Variants in DAPK1 observed in about 807,000 individuals in gnomAD.
DAPK1 encodes the protein death-associated protein kinase 1.
DAPK1 carries 56 observed loss-of-function variants against 144.9 expected under a neutral mutation model. The observed-to-expected ratio is 0.39, with a 90% CI of 0.31 to 0.48. DAPK1 has a LOEUF of 0.48. Among genes scored for constraint, DAPK1 ranks in the 20% least tolerant of loss-of-function variants. DAPK1 has a pLI of 0.95. For missense variants in DAPK1, 1,454 were observed against 1,875.4 expected (o/e 0.78, Z 4.15); for synonymous variants, 690 against 749.0 (o/e 0.92, Z 1.29).
intron 2 of DAPK1, among the ~76,000 whole-genome samples, chr9:87,537,188 A>G (rs1195945057): frequency 1.3e-5 from 2 of 151,942 alleles, no homozygotes; most frequent in African/African-American, 4.8e-5. Flanking sequence ...GGGTTTCACT[A>G]TGTTGGCCAG....
chr9:87,638,362 G>A (rs990367808), intron 4 of DAPK1, among the ~76,000 whole-genome samples: 1 of 126,258 alleles, frequency 7.9e-6, no homozygotes, highest in Non-Finnish European at 1.6e-5. Flanking sequence ...TAGTAAGGGG[G>A]CTGCTCTAGC....
intron 3 of DAPK1, among the ~76,000 whole-genome samples, chr9:87,618,034 A>G (rs1242379022): frequency 6.6e-6 from 1 of 152,094 alleles, no homozygotes; most frequent in Non-Finnish European, 1.5e-5. Context: ...CCATTCTCTT[A>G]CTTTGGCCCT....
intron 2 of DAPK1, among the ~76,000 whole-genome samples, chr9:87,586,585 A>G (rs937929104): frequency 1.3e-5 from 2 of 152,148 alleles, no homozygotes; most frequent in Non-Finnish European, 2.9e-5. Flanking sequence ...GCTTAAATAC[A>G]TTAATGTATA....
At chr9:87,613,544 A>G (rs926552502) in intron 3 of DAPK1, among the ~76,000 whole-genome samples, 8 of 152,230 alleles carry the variant, frequency 5.3e-5, no homozygotes, top group African/African-American at 1.9e-4. Flanking sequence ...GAATACAAAT[A>G]CAACTTTGTT....
At chr9:87,675,895 A>ACACACACACACC (rs1179826339) in intron 19 of DAPK1, among the ~76,000 whole-genome samples, 144 of 132,890 alleles carry the variant, frequency 1.1e-3, no homozygotes, top group African/African-American at 2.1e-3. Flanking sequence ...ACACACACAC[A>ACACACACACACC]CCCTTATGAC....
Position 87,658,075 on chromosome 9 carries a change from A to G in DAPK1, c.1871A>G (p.Asp624Gly). The G allele has an allele frequency of 1.3e-6, 2 of 1,554,732 alleles. No individual in the cohort carries two copies. The highest frequency in any genetic ancestry group is 8.9e-7 in the Non-Finnish European group (1 of 1,126,452). ...LHLAANNGILDVVRYLCLMGA... is the reference protein window; with the variant it reads ...LHLAANNGILGVVRYLCLMGA... ...CTTGCGGCCAACAACGGAATCCTAG[A>G]CGTGGTCCGGTATCTCTGTCTGATG... Residue 624 changes from aspartate to glycine, a missense_variant, in exon 18 of 26, where the codon GAC (aspartate) becomes GGC (glycine). Asp to Gly is a moderately conservative substitution (Grantham distance 94). Coordinates refer to ENST00000408954, the MANE Select transcript of DAPK1 (RefSeq NM_004938.4).
intron 11 of DAPK1, among the ~76,000 whole-genome samples, chr9:87,644,654 A>C (rs966388588): frequency 3.9e-5 from 6 of 152,134 alleles, no homozygotes; most frequent in African/African-American, 1.2e-4. Context: ...AAAAACTGTG[A>C]CTCTAGGTAA....
At chr9:87,581,793 C>T (rs748921866) in intron 2 of DAPK1, among the ~76,000 whole-genome samples, 3 of 152,204 alleles carry the variant, frequency 2.0e-5, no homozygotes, top group Non-Finnish European at 4.4e-5. Flanking sequence ...TGTCTGCCAC[C>T]GGGGAACAAA....
intron 2 of DAPK1, among the ~76,000 whole-genome samples, chr9:87,559,993 C>CT (rs1315615919): frequency 2.1e-5 from 3 of 142,572 alleles, no homozygotes; most frequent in African/African-American, 8.3e-5. Context: ...GAATCTTTTT[C>CT]TTTCCTTTTT....
intron 18 of DAPK1, among the ~76,000 whole-genome samples, chr9:87,659,786 C>T (rs529382583): frequency 2.0e-5 from 3 of 152,300 alleles, no homozygotes; most frequent in Admixed American, 6.5e-5. Context: ...GCACCCGCAG[C>T]GCTCATTCTG....
chr9:87,571,475 C>A lies in DAPK1; in HGVS notation c.63-33479C>A, dbSNP rs3031545. Among the ~76,000 whole-genome samples the A allele has an allele frequency of 9.0e-4, 30 of 33,396 alleles. 6 individuals carry two copies. The highest frequency in any genetic ancestry group is 2.1e-3 in the East Asian group (2 of 936). The allele number at this position is 33,396 out of a possible 152,430, so 21.9% of individuals were successfully genotyped here. On this transcript the variant is annotated intron_variant, in intron 2 of 25. Coordinates refer to ENST00000408954, the MANE Select transcript of DAPK1 (RefSeq NM_004938.4). ...CACACACACACACACACACACACAC[C>A]AACACACACACACACACACCCCAAC...
intron 18 of DAPK1, among the ~76,000 whole-genome samples, chr9:87,658,740 C>T (rs1461373457): frequency 6.6e-6 from 1 of 152,240 alleles, no homozygotes; most frequent in African/African-American, 2.4e-5. Context: ...GAAAATGCAT[C>T]AGCTAATGAG....
At chr9:87,605,695 C>A (rs1828691968) in intron 3 of DAPK1, among the ~76,000 whole-genome samples, 1 of 152,130 alleles carries the variant, frequency 6.6e-6, no homozygotes, top group Admixed American at 6.5e-5. Flanking sequence ...TCAAAAAGGA[C>A]TTGTTTTTAA....
chr9:87,591,259 A>G (rs1245852479), intron 2 of DAPK1, among the ~76,000 whole-genome samples: 4 of 152,226 alleles, frequency 2.6e-5, no homozygotes, highest in African/African-American at 4.8e-5. Flanking sequence ...GGCTTCTGAA[A>G]GCATGTAGGC....
At chr9:87,625,501 C>T (rs1178980645) in intron 3 of DAPK1, among the ~76,000 whole-genome samples, 2 of 152,178 alleles carry the variant, frequency 1.3e-5, no homozygotes, top group African/African-American at 4.8e-5. Flanking sequence ...CTCAGGAGCC[C>T]CAGGTTCCAC....
At chr9:87,558,006 A>C (rs534905717) in intron 2 of DAPK1, among the ~76,000 whole-genome samples, 11 of 152,320 alleles carry the variant, frequency 7.2e-5, no homozygotes, top group African/African-American at 2.4e-4. Context: ...TGGATAAGTC[A>C]GTTTGGAATC....
At chr9:87,596,761 T>C (rs1587751356) in intron 2 of DAPK1, among the ~76,000 whole-genome samples, 1 of 152,202 alleles carries the variant, frequency 6.6e-6, no homozygotes, top group African/African-American at 2.4e-5. Context: ...CCATCCCAGA[T>C]TCTTCAGTGC....
chr9:87,598,834 C>G (rs557964028), intron 2 of DAPK1, among the ~76,000 whole-genome samples: 2 of 152,310 alleles, frequency 1.3e-5, no homozygotes, highest in African/African-American at 4.8e-5. Flanking sequence ...CATCCTTGTG[C>G]CTTGACCTTG....
chr9:87,576,801 C>A (rs1827578616), intron 2 of DAPK1, among the ~76,000 whole-genome samples: 1 of 152,166 alleles, frequency 6.6e-6, no homozygotes, highest in Admixed American at 6.5e-5. Flanking sequence ...CAAGTGCTCT[C>A]TGCCCACCTC....
Sources: allele counts gnomAD v4.1 joint callset (sites outside exome capture counted in the v4.1 genomes callset), GRCh38; gene constraint gnomAD v4.1.1; transcripts MANE v1.5; gene names NCBI Gene and HGNC (gene_info 2026-07-23, HGNC 2026-07-21).